Variants in PDGFC observed in about 807,000 individuals in gnomAD.
The protein encoded by PDGFC is platelet derived growth factor C.
In PDGFC, 12 loss-of-function variants were observed where a neutral mutation model predicts 35.5. That is an observed-to-expected ratio of 0.34 (90% confidence interval 0.22 to 0.55). The LOEUF (loss-of-function observed/expected upper bound fraction) is 0.55, where lower values mean the gene tolerates loss of function less well. Among genes scored for constraint, PDGFC ranks in the 20% least tolerant of loss-of-function variants. The probability of loss-of-function intolerance (pLI) is 0.91; values close to 1 mark genes in which losing one functional copy is unlikely to be tolerated. For missense variants in PDGFC, 322 were observed against 412.4 expected, an observed-to-expected ratio of 0.78 and a Z score of 1.90; for synonymous variants, 159 against 148.8, an observed-to-expected ratio of 1.07 and a Z score of -0.50.
intron 1 of PDGFC, among the ~76,000 whole-genome samples, chr4:156,860,793 C>T (rs1729692648): frequency 1.3e-5 from 2 of 152,108 alleles, no homozygotes; most frequent in South Asian, 2.1e-4. Flanking sequence ...CACATAAACC[C>T]TCAAAGCATT....
chr4:156,833,260 T>G (rs1489336823), intron 2 of PDGFC, among the ~76,000 whole-genome samples: 3 of 152,234 alleles, frequency 2.0e-5, no homozygotes, highest in African/African-American at 7.2e-5. Context: ...AGTTAAAAGG[T>G]TCGCTGAGGC....
intron 3 of PDGFC, among the ~76,000 whole-genome samples, chr4:156,810,000 C>T (rs903078105): frequency 1.3e-5 from 2 of 151,792 alleles, no homozygotes; most frequent in African/African-American, 4.8e-5. Context: ...CCATGGCCCT[C>T]AACGCCACCC....
At chr4:156,803,072 A>T (rs574850055) in intron 3 of PDGFC, among the ~76,000 whole-genome samples, 2 of 152,264 alleles carry the variant, frequency 1.3e-5, no homozygotes, top group South Asian at 4.2e-4. Flanking sequence ...GCAGAAGGAG[A>T]CTGCAAGGAT....
rs542109120 is a variant in PDGFC, at chr4:156,860,078, T to G, written c.119-9662A>C. Among the ~76,000 whole-genome samples, 4 of 152,314 alleles carry G rather than the reference T, an allele frequency of 2.6e-5. 1 individual carries two copies. The East Asian group carries it at 7.7e-4, about 29-fold the overall frequency. ...GAGTTGAGACAGAATGGAATAAATT[T>G]GAGAAGACATATGCTTTTATTCAAA... On this transcript the variant is annotated intron_variant, in intron 1 of 5. Coordinates refer to ENST00000502773, the MANE Select transcript of PDGFC (RefSeq NM_016205.3).
intron 3 of PDGFC, among the ~76,000 whole-genome samples, chr4:156,796,243 T>A (rs1012987433): frequency 6.6e-6 from 1 of 152,158 alleles, no homozygotes; most frequent in African/African-American, 2.4e-5. Context: ...TACTCTTGAT[T>A]GAGCCATTTT....
chr4:156,821,075 A>G (rs544083831), intron 2 of PDGFC, among the ~76,000 whole-genome samples: 1 of 152,262 alleles, frequency 6.6e-6, no homozygotes, highest in Admixed American at 6.5e-5. Flanking sequence ...CACAGAGGCT[A>G]GAAGAGCCTG....
Position 156,762,002 on chromosome 4 carries a change from A to T in PDGFC, c.*1088T>A, listed in dbSNP as rs1401316244. 2 of 152,656 alleles carry T rather than the reference A, an allele frequency of 1.3e-5. No homozygotes were observed. Among genetic ancestry groups the T allele is most frequent in the East Asian group, 3.9e-4 (2 of 5,192 alleles). The allele number at this position is 152,656 out of a possible 1,614,324, so 9.5% of individuals were successfully genotyped here. On this transcript the variant is annotated 3_prime_UTR_variant, in exon 6 of 6. Coordinates refer to ENST00000502773, the MANE Select transcript of PDGFC (RefSeq NM_016205.3). ...ATAGGTTAGTAATGGCTGGATCTGA[A>T]TGTCTACTTTCATAAGTTGCTTTTT...
intron 4 of PDGFC, among the ~76,000 whole-genome samples, chr4:156,769,010 T>A (rs2110802720): frequency 6.6e-6 from 1 of 152,078 alleles, no homozygotes; most frequent in African/African-American, 2.4e-5. Context: ...CATCTCTGCC[T>A]ATTTTTTTCC....
chr4:156,945,334 T>TATACATAC (rs71602289), intron 1 of PDGFC, among the ~76,000 whole-genome samples: 1 of 85,084 alleles, frequency 1.2e-5, no homozygotes, highest in Non-Finnish European at 2.5e-5. Flanking sequence ...TATATATACA[T>TATACATAC]ATACATACAT....
At chr4:156,851,450 C>T (rs1158012751) in intron 1 of PDGFC, among the ~76,000 whole-genome samples, 2 of 152,080 alleles carry the variant, frequency 1.3e-5, no homozygotes, top group Non-Finnish European at 2.9e-5. Context: ...AATATCTCTC[C>T]TCCTTTTTAT....
chr4:156,945,311 T>G (rs1415621786), intron 1 of PDGFC, among the ~76,000 whole-genome samples: 1 of 132,164 alleles, frequency 7.6e-6, no homozygotes, highest in Non-Finnish European at 1.6e-5. Flanking sequence ...ATATTTTAAA[T>G]TATATATATG....
intron 1 of PDGFC, among the ~76,000 whole-genome samples, chr4:156,860,878 G>A (rs1287297750): frequency 2.0e-5 from 3 of 151,894 alleles, no homozygotes; most frequent in African/African-American, 7.3e-5. Context: ...GATTTTTGAG[G>A]GAAAAGCAAA....
intron 1 of PDGFC, among the ~76,000 whole-genome samples, chr4:156,966,859 C>T (rs551409453): frequency 2.0e-4 from 30 of 152,148 alleles, no homozygotes; most frequent in Admixed American, 1.4e-3. Context: ...AGTATATCAT[C>T]CATCCAATAT....
At chr4:156,801,308 T>C (rs1731602078) in intron 3 of PDGFC, among the ~76,000 whole-genome samples, 1 of 152,134 alleles carries the variant, frequency 6.6e-6, no homozygotes, top group South Asian at 2.1e-4. Context: ...TTGGGGAGGC[T>C]GATTTGAGTA....
chr4:156,817,324 G>C (rs924496936), intron 2 of PDGFC, among the ~76,000 whole-genome samples: 6 of 151,996 alleles, frequency 3.9e-5, no homozygotes, highest in African/African-American at 1.4e-4. Flanking sequence ...TCTCAACAAG[G>C]GGTTAGAGAG....
intron 1 of PDGFC, among the ~76,000 whole-genome samples, chr4:156,880,743 T>C (rs956669344): frequency 6.6e-6 from 1 of 152,008 alleles, no homozygotes; most frequent in South Asian, 2.1e-4. Flanking sequence ...GTGGTGGAAA[T>C]AAAAAGAGAT....
chr4:156,830,987 GC>G (rs1728918924), intron 2 of PDGFC, among the ~76,000 whole-genome samples: 1 of 152,102 alleles, frequency 6.6e-6, no homozygotes, highest in Non-Finnish European at 1.5e-5. Flanking sequence ...TTTTTTGTAT[GC>G]CTATCCCTTT....
At chr4:156,891,094 C>A (rs72683361) in intron 1 of PDGFC, among the ~76,000 whole-genome samples, 7,575 of 151,760 alleles carry the variant, frequency 0.05, 206 homozygotes, top group Middle Eastern at 0.086. Flanking sequence ...TGGCTACAAA[C>A]CTGTACAGCA....
At chr4:156,839,230 T>A (rs10022056) in intron 2 of PDGFC, among the ~76,000 whole-genome samples, 9,061 of 152,248 alleles carry the variant, frequency 0.06, 891 homozygotes, top group African/African-American at 0.21. Flanking sequence ...TTACATTATG[T>A]CAGATATGCA....
Sources: allele counts gnomAD v4.1 joint callset (sites outside exome capture counted in the v4.1 genomes callset), GRCh38; gene constraint gnomAD v4.1.1; transcripts MANE v1.5; gene names NCBI Gene and HGNC (gene_info 2026-07-23, HGNC 2026-07-21).